ZC3H13: variants seen among roughly 807,000 people sequenced by gnomAD.
ZC3H13 encodes the protein zinc finger CCCH-type containing 13, also known as zinc finger CCCH domain-containing protein 13.
ZC3H13 carries 64 observed loss-of-function variants against 204.1 expected under a neutral mutation model. The ratio of observed to expected loss-of-function variants is 0.31; its 90% CI spans 0.26 to 0.39. The LOEUF (loss-of-function observed/expected upper bound fraction) is 0.39, where lower values mean the gene tolerates loss of function less well. ZC3H13 is among the 10% of genes least tolerant of loss of function. The pLI is 1.00. For synonymous variants in ZC3H13, 667 were observed against 693.7 expected (o/e 0.96, Z 0.60); for missense variants, 1,833 against 2,082.7 (o/e 0.88, Z 2.33).
intron 8 of ZC3H13, among the ~76,000 whole-genome samples, chr13:45,998,982 T>G (rs1483522502): frequency 1.3e-5 from 2 of 152,242 alleles, no homozygotes; most frequent in South Asian, 2.1e-4. Context: ...GGCTCAAGCC[T>G]ATAACTACAA....
chr13:46,020,626 A>G, intron 4 of ZC3H13, 69 bp from the exon 5 acceptor site: 1 of 1,015,310 alleles, frequency 9.8e-7, no homozygotes, highest in Non-Finnish European at 1.4e-6. Flanking sequence ...TATTGTAATA[A>G]GAGAACATTT....
intron 12 of ZC3H13, among the ~76,000 whole-genome samples, chr13:45,973,249 C>T (rs1045515082): frequency 2.0e-5 from 3 of 152,156 alleles, no homozygotes; most frequent in Non-Finnish European, 2.9e-5. Context: ...AAAATAAATA[C>T]AGCAATTAGG....
At chr13:45,963,060 T>C (rs2137786501) in intron 17 of ZC3H13, 2 of 984,788 alleles carry the variant, frequency 2.0e-6, no homozygotes, top group Non-Finnish European at 1.2e-6. Context: ...TATTACTATA[T>C]GCCAGGAACT....
chr13:46,003,876 A>C (rs968649557), intron 7 of ZC3H13, among the ~76,000 whole-genome samples: 7 of 152,212 alleles, frequency 4.6e-5, no homozygotes, highest in Non-Finnish European at 1.0e-4. Flanking sequence ...AAAAGCAAAA[A>C]CTATAAAAAT....
rs147453587 is a variant in ZC3H13, at chr13:45,969,377, G to A, written c.3167C>T (p.Ser1056Phe). The A allele has an allele frequency of 5.0e-6, 8 of 1,613,908 alleles. No individual in the cohort carries two copies. In the African/African-American group the frequency reaches 9.3e-5, roughly 19 times the overall value. ...GAATGCTGTATCTTCTTTTTTCTGG[G>A]AGTCCTCTAGAATACCATTCTTACC... The part of the protein sequence containing the change: ...CNGKNGILED[S>F]QKKEDTAFSD... Residue 1056 changes from serine (S) to phenylalanine (F), a missense_variant, in exon 14 of 19, where the codon TCC becomes TTC. Around this residue, in one of 5 missense-constraint regions of ZC3H13, gnomAD observed 1,574 missense variants for 1,757.2 expected, o/e 0.90. Coordinates refer to ENST00000679008, the MANE Select transcript of ZC3H13 (RefSeq NM_001330564.2).
chr13:45,963,391 T>C (rs1253845008), intron 17 of ZC3H13: 7 of 989,020 alleles, frequency 7.1e-6, no homozygotes, highest in Non-Finnish European at 8.4e-6. Flanking sequence ...GGCAAACCAC[T>C]GAGCACTTTG....
At chr13:46,024,672 A>T (rs1818800915) in intron 4 of ZC3H13, among the ~76,000 whole-genome samples, 1 of 150,326 alleles carries the variant, frequency 6.7e-6, no homozygotes, top group South Asian at 2.1e-4. Flanking sequence ...TTTGTGGTTC[A>T]TCAATTACGG....
Position 46,052,525 on chromosome 13 carries a change from A to G in ZC3H13, c.-131T>C. The G allele has an allele frequency of 2.5e-6, 1 of 398,598 alleles. No individual in the cohort carries two copies. 24.7% of individuals were successfully genotyped at this position (398,598 alleles called of 1,614,324 possible). A position where few individuals can be genotyped will look rare whatever the true frequency, so the allele number is the denominator to read the frequency against. ...CCCAGGAGGACGACGACGAGGAGAA[A>G]GCGATGCGCGCGCGGCTCCCGGGAA... On this transcript the variant is annotated 5_prime_UTR_variant, in exon 1 of 19. Coordinates refer to ENST00000679008, the MANE Select transcript of ZC3H13 (RefSeq NM_001330564.2).
At chr13:45,995,671 C>T (rs1274808644) in intron 8 of ZC3H13, among the ~76,000 whole-genome samples, 2 of 152,190 alleles carry the variant, frequency 1.3e-5, no homozygotes, top group Non-Finnish European at 2.9e-5. Flanking sequence ...AATCAAGTAA[C>T]TGTTGGATGA....
chr13:46,013,525 C>T (rs750894225), intron 5 of ZC3H13, among the ~76,000 whole-genome samples: 5 of 151,950 alleles, frequency 3.3e-5, no homozygotes, highest in Admixed American at 6.6e-5. Flanking sequence ...GCTTATTTTA[C>T]GCATATAATA....
intron 4 of ZC3H13, among the ~76,000 whole-genome samples, chr13:46,026,094 A>G (rs2042527054): frequency 1.3e-5 from 2 of 152,088 alleles, no homozygotes; most frequent in Admixed American, 1.3e-4. Context: ...TTAGTCCTAC[A>G]CTTAATGAAA....
chr13:46,030,754 C>G (rs1407177705), intron 4 of ZC3H13, among the ~76,000 whole-genome samples: 2 of 152,004 alleles, frequency 1.3e-5, no homozygotes, highest in East Asian at 1.9e-4. Context: ...GCAAAATATG[C>G]ATAAGACATG....
chr13:46,019,472 CT>C (rs1224037763), intron 5 of ZC3H13, among the ~76,000 whole-genome samples: 1 of 152,116 alleles, frequency 6.6e-6, no homozygotes, highest in Non-Finnish European at 1.5e-5. Context: ...GTTTTGTCAT[CT>C]GTAAGTAGAG....
chr13:45,984,264 T>C (rs1333349626), intron 10 of ZC3H13, among the ~76,000 whole-genome samples: 3 of 152,206 alleles, frequency 2.0e-5, no homozygotes, highest in African/African-American at 7.2e-5. Context: ...GTGTAAAATG[T>C]TTTTTGGGAA....
intron 4 of ZC3H13, among the ~76,000 whole-genome samples, chr13:46,029,811 A>C (rs2042779777): frequency 6.6e-6 from 1 of 152,176 alleles, no homozygotes; most frequent in Non-Finnish European, 1.5e-5. Context: ...AAAAAAACTA[A>C]AGACCAATAT....
At chr13:46,038,805 A>C (rs2043373458) in intron 4 of ZC3H13, among the ~76,000 whole-genome samples, 1 of 152,060 alleles carries the variant, frequency 6.6e-6, no homozygotes, top group Non-Finnish European at 1.5e-5. Context: ...GGTGGATCAC[A>C]AGGTCAGGAG....
chr13:45,989,812 A>C (rs2039843779), intron 8 of ZC3H13, among the ~76,000 whole-genome samples: 1 of 145,738 alleles, frequency 6.9e-6, no homozygotes, highest in South Asian at 2.2e-4. Context: ...AGCACATCTG[A>C]ATCACTCCTA....
chr13:45,959,925 ATTT>A (rs1000950981), intron 17 of ZC3H13, among the ~76,000 whole-genome samples: 1 of 148,854 alleles, frequency 6.7e-6, no homozygotes, highest in Non-Finnish European at 1.5e-5. Context: ...AGCCCAGGGA[ATTT>A]TTTTTTTAAT....
chr13:45,958,395 C>G (rs1951420777), intron 18 of ZC3H13, among the ~76,000 whole-genome samples: 2 of 152,144 alleles, frequency 1.3e-5, no homozygotes, highest in African/African-American at 4.8e-5. Context: ...CTTTTGTCAT[C>G]CAGGTTGAGT....
Sources: gnomAD v4.1 joint callset for allele counts (sites outside exome capture counted in the v4.1 genomes callset) on GRCh38, gnomAD v4.1.1 for gene constraint, gnomAD v4.1.1 regional missense constraint, MANE v1.5 for transcripts, NCBI Gene and HGNC (gene_info 2026-07-23, HGNC 2026-07-21) for gene names.